TMEM94: variants seen among roughly 807,000 people sequenced by gnomAD.
The protein encoded by TMEM94 is transmembrane protein 94.
TMEM94 carries 81 observed loss-of-function variants against 158.6 expected under a neutral mutation model. That is an observed-to-expected ratio of 0.51 (90% CI 0.43 to 0.61). The LOEUF is 0.61. Among genes scored for constraint, TMEM94 ranks in the 20% least tolerant of loss-of-function variants. The pLI is 0.00. For synonymous variants in TMEM94, 751 were observed against 730.7 expected, an observed-to-expected ratio of 1.03 and a Z score of -0.45; for missense variants, 1,435 against 1,762.0, an observed-to-expected ratio of 0.81 and a Z score of 3.32.
intron 1 of TMEM94, among the ~76,000 whole-genome samples, chr17:75,463,174 G>GTATA (rs1483017222): frequency 2.1e-4 from 1 of 4,844 alleles, no homozygotes; most frequent in African/African-American, 8.4e-4. Flanking sequence ...GTGTGTGTGT[G>GTATA]TGTGTATATA....
In TMEM94 at chr17:75,485,669, T is replaced by A; in HGVS notation, c.144+122T>A. 1 of 1,433,660 alleles carries A rather than the reference T, an allele frequency of 7.0e-7. No homozygotes were observed. Among genetic ancestry groups the A allele is most frequent in the South Asian group, 1.3e-5 (1 of 78,076 alleles). The allele number at this position is 1,433,660 out of a possible 1,614,324, so 88.8% of individuals were successfully genotyped here. ...ACAGTGTGACCCAACTGAGGCCTCA[T>A]GAAATATCAGAAAGAAGCCAAGGTT... On this transcript the variant is annotated intron_variant, in intron 3 of 31. Coordinates refer to ENST00000314256, the MANE Select transcript of TMEM94 (RefSeq NM_014738.6). This position sits in a 1 kb window ranked among gnomAD's most constrained non-coding sequence, Gnocchi z 5.5.
chr17:75,491,189 A>C lies in TMEM94; in HGVS notation c.1233+36A>C. 6.3e-7 allele frequency: 1 copy of C among 1,593,656 alleles called. No homozygotes were observed. The highest frequency in any genetic ancestry group is 8.6e-7 in the Non-Finnish European group (1 of 1,166,934). On this transcript the variant is annotated intron_variant, in intron 12 of 31. Transcript: ENST00000314256. This position sits in a 1 kb window ranked among gnomAD's most constrained non-coding sequence, Gnocchi z 5.1. ...GCCTTGCGGGGAGGAGGCAACTGTC[A>C]TGCCCGCCCTGCTCTCTGGCTGGGC...
intron 2 of TMEM94, among the ~76,000 whole-genome samples, chr17:75,472,246 A>G (rs1007698121): frequency 6.6e-6 from 1 of 152,204 alleles, no homozygotes; most frequent in Non-Finnish European, 1.5e-5. Context: ...GCCCTTTGCT[A>G]GGGCGATGTC....
chr17:75,495,906 C>T lies in TMEM94; in HGVS notation c.2945-60C>T. ...TGCTCTCCTGTCCCATGGGTCTCTGCCCAGTGCCCACTTGGTGCTCTGCCT... is the reference window on the plus strand; with the variant it reads ...TGCTCTCCTGTCCCATGGGTCTCTGTCCAGTGCCCACTTGGTGCTCTGCCT... On this transcript the variant is annotated intron_variant, in intron 22 of 31. Transcript: ENST00000314256. This position sits in a 1 kb window ranked among gnomAD's most constrained non-coding sequence, Gnocchi z 5.6. 8.0e-7 allele frequency: 1 copy of T among 1,251,802 alleles called. No individual in the cohort carries two copies. The highest frequency in any genetic ancestry group is 1.8e-5 in the Admixed American group (1 of 54,906). 77.5% of individuals were successfully genotyped at this position (1,251,802 alleles called of 1,614,324 possible).
chr17:75,486,317 G>A lies in TMEM94; in HGVS notation c.300G>A (p.Ser100=), dbSNP rs768983641. Reference sequence around the variant, plus strand: ...GTGGGGTGGGGCTGGTGAATGCCTCGGCCTTGTTCCTGTTACTGCTTCTCA... The same window carrying A: ...GTGGGGTGGGGCTGGTGAATGCCTCAGCCTTGTTCCTGTTACTGCTTCTCA... The part of the protein sequence containing the change: ...GSRGVGLVNA[S]ALFLLLLLNL... Residue 100 remains serine, a synonymous_variant, in exon 5 of 32, where the codon TCG becomes TCA. Coordinates refer to ENST00000314256, the MANE Select transcript of TMEM94 (RefSeq NM_014738.6). The A allele has an allele frequency of 4.3e-6, 7 of 1,614,016 alleles. No individual in the cohort carries two copies. The highest frequency in any genetic ancestry group is 2.2e-5 in the East Asian group (1 of 44,882).
intron 11 of TMEM94, 87 bp from the exon 12 acceptor site, chr17:75,490,962 G>A: frequency 4.3e-6 from 5 of 1,152,202 alleles, no homozygotes. Context: ...ACTTCGTGGT[G>A]CTCCCCTGGA....
intron 1 of TMEM94, among the ~76,000 whole-genome samples, chr17:75,462,699 A>G (rs912517214): frequency 1.3e-5 from 2 of 150,150 alleles, no homozygotes; most frequent in Non-Finnish European, 3.0e-5. Flanking sequence ...TTAAAAATAT[A>G]CAGTTCTAGG....
At chr17:75,456,994 G>C (rs1342492100) in intron 1 of TMEM94, among the ~76,000 whole-genome samples, 1 of 152,174 alleles carries the variant, frequency 6.6e-6, no homozygotes, top group Non-Finnish European at 1.5e-5. Flanking sequence ...CCATTGTGGG[G>C]TCTCTCGCCA....
At chr17:75,476,792 C>G in intron 2 of TMEM94, 1 of 1,534,966 alleles carries the variant, frequency 6.5e-7, no homozygotes, top group Non-Finnish European at 8.7e-7. Context: ...ATGCTGTGTT[C>G]CCTGCTTTGT....
intron 2 of TMEM94, among the ~76,000 whole-genome samples, chr17:75,476,261 A>G (rs2050685507): frequency 1.3e-5 from 2 of 151,950 alleles, no homozygotes; most frequent in South Asian, 4.2e-4. Flanking sequence ...TCCTCCATCT[A>G]TCCCTCTGTC....
chr17:75,491,998 C>A lies in TMEM94; in HGVS notation c.1596+98C>A. On this transcript the variant is annotated intron_variant, in intron 14 of 31. Coordinates refer to ENST00000314256, the MANE Select transcript of TMEM94 (RefSeq NM_014738.6). This position sits in a 1 kb window ranked among gnomAD's most constrained non-coding sequence, Gnocchi z 5.1. ...GCCTCACAAGGTCTGAAAGAGCAGG[C>A]GTCTCTGCCCTCTGTCCCAGCACCT... 2 of 1,219,434 alleles carry A rather than the reference C, an allele frequency of 1.6e-6. No individual in the cohort carries two copies. Among genetic ancestry groups the A allele is most frequent in the South Asian group, 1.4e-5 (1 of 71,568 alleles). 75.5% of individuals were successfully genotyped at this position (1,219,434 alleles called of 1,614,324 possible).
At position 75,495,498 on chromosome 17, in the gene TMEM94, A is replaced by G. The variant is rs753533620; in HGVS notation, c.2845-46A>G. On this transcript the variant is annotated intron_variant, in intron 21 of 31. Coordinates refer to ENST00000314256, the MANE Select transcript of TMEM94 (RefSeq NM_014738.6). The surrounding 1 kb of genome is among the most constrained non-coding windows in gnomAD (Gnocchi z 5.6). ...GGTGGGCAGGCGGTGGAGGGGAGGG[A>G]TGCTGATCCCCATCCCGAAGCCGCT... 5 of 1,602,008 alleles carry G rather than the reference A, an allele frequency of 3.1e-6. No individual in the cohort carries two copies. The highest frequency in any genetic ancestry group is 2.2e-5 in the South Asian group (2 of 90,620).
In TMEM94 at chr17:75,465,677, ATATT is replaced by A. The variant is rs757415225; in HGVS notation, c.-106-6121_-106-6118del. 2.6e-3 allele frequency among the ~76,000 whole-genome samples: 218 copies of A among 84,214 alleles called. 4 individuals are homozygous for A. The highest frequency in any genetic ancestry group is 0.01 in the South Asian group (31 of 2,960). The allele number at this position is 84,214 out of a possible 152,430, so 55.2% of individuals were successfully genotyped here. A position where few individuals can be genotyped will look rare whatever the true frequency, so the allele number is the denominator to read the frequency against. On this transcript the variant is annotated intron_variant, in intron 1 of 31. Coordinates refer to ENST00000314256, the MANE Select transcript of TMEM94 (RefSeq NM_014738.6). ...TTTTTATATATATATATATATATATATATTTTTTTTTAATCCCAAAGACTTCAAA... is the reference window on the plus strand; with the variant it reads ...TTTTTATATATATATATATATATATATTTTTTTAATCCCAAAGACTTCAAA...
At chr17:75,477,195 A>G (rs1483048535) in intron 2 of TMEM94, among the ~76,000 whole-genome samples, 2 of 152,154 alleles carry the variant, frequency 1.3e-5, no homozygotes, top group African/African-American at 2.4e-5. Flanking sequence ...GAGGTGGGGA[A>G]GAATGTGGGT....
At chr17:75,460,860 G>C (rs182780378) in intron 1 of TMEM94, among the ~76,000 whole-genome samples, 383 of 152,124 alleles carry the variant, frequency 2.5e-3, no homozygotes, top group African/African-American at 8.6e-3. Flanking sequence ...ATTGTAACCA[G>C]TTCTGTGGCA....
At chr17:75,463,022 AAAAAAAAAAAAAAAAATATATAT>A in intron 1 of TMEM94, among the ~76,000 whole-genome samples, 1 of 10,414 alleles carries the variant, frequency 9.6e-5, no homozygotes. Context: ...AAAAAAAAAA[AAAAAAAAAAAAAAAAATATATAT>A]ATATATATAT....
chr17:75,459,012 G>A (rs1294965561), intron 1 of TMEM94, among the ~76,000 whole-genome samples: 2 of 149,728 alleles, frequency 1.3e-5, no homozygotes, highest in African/African-American at 2.5e-5. Flanking sequence ...AGCCGAGATC[G>A]CGCCACTGCA....
intron 25 of TMEM94, 88 bp from the exon 26 acceptor site, chr17:75,497,025 G>A: frequency 8.3e-7 from 1 of 1,204,646 alleles, no homozygotes; most frequent in South Asian, 1.2e-5. Flanking sequence ...GCATCTATCT[G>A]GGCCCAGGGC....
At chr17:75,490,107 C>T in intron 9 of TMEM94, 127 bp from the exon 10 acceptor site, 1 of 1,346,448 alleles carries the variant, frequency 7.4e-7, no homozygotes, top group East Asian at 2.4e-5. Context: ...ACCTCTTTCC[C>T]TTCCTGCCCC....
Sources: gnomAD v4.1 joint callset for allele counts (sites outside exome capture counted in the v4.1 genomes callset) on GRCh38, gnomAD v4.1.1 for gene constraint, Gnocchi (gnomAD v3.1) non-coding constraint, MANE v1.5 for transcripts, NCBI Gene and HGNC (gene_info 2026-07-23, HGNC 2026-07-21) for gene names.